NCKAP5: variants seen among roughly 807,000 people sequenced by gnomAD.
NCKAP5 encodes the protein NCK associated protein 5.
NCKAP5 carries 92 observed loss-of-function variants against 167.0 expected under a neutral mutation model. The ratio of observed to expected loss-of-function variants is 0.55; its 90% CI spans 0.47 to 0.66. NCKAP5 has a LOEUF of 0.66. Ranked by LOEUF, NCKAP5 falls within the 30% of genes least tolerant of loss-of-function variation. NCKAP5 has a pLI of 0.00. For missense variants in NCKAP5, 2,378 were observed against 2,315.0 expected (o/e 1.03, Z -0.56); for synonymous variants, 891 against 877.4 (o/e 1.02, Z -0.27).
At chr2:133,422,289 C>T (rs1689528364) in intron 3 of NCKAP5, among the ~76,000 whole-genome samples, 1 of 152,224 alleles carries the variant, frequency 6.6e-6, no homozygotes, top group Non-Finnish European at 1.5e-5. Context: ...TACAGATGAA[C>T]AGGATTGCTT....
chr2:133,083,112 G>A (rs1189703762), intron 6 of NCKAP5, among the ~76,000 whole-genome samples: 1 of 152,026 alleles, frequency 6.6e-6, no homozygotes, highest in East Asian at 1.9e-4. Context: ...TTTAAGTGGT[G>A]TTAAGAAAAC....
chr2:132,960,704 A>G (rs755994380), intron 8 of NCKAP5, among the ~76,000 whole-genome samples: 14 of 152,150 alleles, frequency 9.2e-5, no homozygotes, highest in African/African-American at 1.7e-4. Context: ...ATATTAACTT[A>G]ATTTTCAAAG....
chr2:132,999,432 A>C (rs2077707327), intron 6 of NCKAP5, among the ~76,000 whole-genome samples: 2 of 152,198 alleles, frequency 1.3e-5, no homozygotes, highest in South Asian at 4.1e-4. Context: ...CTCCTTTTAA[A>C]ATACGGACCA....
intron 4 of NCKAP5, among the ~76,000 whole-genome samples, chr2:133,269,958 G>C (rs1278144972): frequency 6.6e-6 from 1 of 152,192 alleles, no homozygotes; most frequent in African/African-American, 2.4e-5. Flanking sequence ...CCAAGCATTT[G>C]GCCCTAGCAA....
intron 3 of NCKAP5, among the ~76,000 whole-genome samples, chr2:133,468,583 G>A (rs558481684): frequency 5.3e-5 from 8 of 152,228 alleles, no homozygotes; most frequent in South Asian, 4.2e-4. Context: ...TTTCTGTCTC[G>A]TTGATCTGTC....
At chr2:133,594,884 A>ACATT in the NCKAP5 span, among the ~76,000 whole-genome samples, 2 of 151,428 alleles carry the variant, frequency 1.3e-5, no homozygotes, top group African/African-American at 2.4e-5. Flanking sequence ...CCTCACTTAC[A>ACATT]CATTCATTCA....
intron 6 of NCKAP5, among the ~76,000 whole-genome samples, chr2:133,045,409 G>A (rs1158866567): frequency 2.6e-5 from 4 of 151,898 alleles, no homozygotes; most frequent in African/African-American, 9.7e-5. Context: ...AATTAAGAGA[G>A]ACTGAATTTA....
intron 4 of NCKAP5, among the ~76,000 whole-genome samples, chr2:133,228,498 C>T (rs553041249): frequency 5.3e-5 from 8 of 152,308 alleles, no homozygotes; most frequent in Non-Finnish European, 1.0e-4. Context: ...TTATATTAAG[C>T]ACATTCTTCA....
intron 5 of NCKAP5, among the ~76,000 whole-genome samples, chr2:133,159,449 G>A (rs1370298176): frequency 7.4e-6 from 1 of 134,432 alleles, no homozygotes; most frequent in African/African-American, 3.0e-5. Flanking sequence ...ACAGAATGGT[G>A]AGATGCCATG....
At chr2:133,360,661 G>C (rs1006184033) in intron 3 of NCKAP5, among the ~76,000 whole-genome samples, 3 of 152,062 alleles carry the variant, frequency 2.0e-5, no homozygotes, top group Non-Finnish European at 4.4e-5. Flanking sequence ...GTCTATACTG[G>C]ACATGCAAGT....
At chr2:133,166,375 C>T (rs904245184) in intron 5 of NCKAP5, among the ~76,000 whole-genome samples, 4 of 152,134 alleles carry the variant, frequency 2.6e-5, no homozygotes, top group South Asian at 2.1e-4. Context: ...AACTTTTTCA[C>T]GTTGTAATAT....
At chr2:133,158,681 C>A (rs1023568716) in intron 5 of NCKAP5, among the ~76,000 whole-genome samples, 2 of 152,124 alleles carry the variant, frequency 1.3e-5, no homozygotes, top group Admixed American at 1.3e-4. Context: ...AGTCTAGACA[C>A]CTCTAGTATT....
intron 16 of NCKAP5, among the ~76,000 whole-genome samples, chr2:132,745,842 C>A (rs1373596961): frequency 1.3e-5 from 2 of 151,616 alleles, no homozygotes; most frequent in Non-Finnish European, 2.9e-5. Context: ...CTAACAGCAT[C>A]AAAATATGAA....
chr2:133,566,108 C>G (rs1026663217), intron 1 of NCKAP5, among the ~76,000 whole-genome samples: 2 of 152,100 alleles, frequency 1.3e-5, no homozygotes, highest in Non-Finnish European at 2.9e-5. Flanking sequence ...AGGAAGGCTC[C>G]AGAGAGAAGG....
At chr2:133,199,029 A>T (rs1439753370) in intron 5 of NCKAP5, among the ~76,000 whole-genome samples, 1 of 152,110 alleles carries the variant, frequency 6.6e-6, no homozygotes, top group Non-Finnish European at 1.5e-5. Context: ...CATTTCAAAA[A>T]ATGATACAAA....
At chr2:132,765,569 C>G (rs958547872) in intron 16 of NCKAP5, among the ~76,000 whole-genome samples, 5 of 88,010 alleles carry the variant, frequency 5.7e-5, no homozygotes, top group Non-Finnish European at 8.8e-5. Context: ...CGCCTCAGCA[C>G]AGGCATGAGC....
the NCKAP5 span, among the ~76,000 whole-genome samples, chr2:133,649,097 C>T: frequency 1.3e-5 from 2 of 151,504 alleles, no homozygotes; most frequent in Non-Finnish European, 2.9e-5. Context: ...CTCATAAAGA[C>T]GACTATGAAC....
intron 16 of NCKAP5, among the ~76,000 whole-genome samples, chr2:132,745,253 C>T (rs1679540669): frequency 6.6e-6 from 1 of 151,774 alleles, no homozygotes. Flanking sequence ...AAGCAAATTA[C>T]TCACCAAGTG....
intron 5 of NCKAP5, among the ~76,000 whole-genome samples, chr2:133,169,637 C>T (rs548816188): frequency 2.0e-5 from 3 of 152,308 alleles, no homozygotes; most frequent in East Asian, 1.9e-4. Flanking sequence ...GATGCTTTTA[C>T]GTTAAAGTGG....
Sources: allele counts gnomAD v4.1 joint callset (sites outside exome capture counted in the v4.1 genomes callset), GRCh38; gene constraint gnomAD v4.1.1; transcripts MANE v1.5; gene names NCBI Gene and HGNC (gene_info 2026-07-23, HGNC 2026-07-21).